MAML2: variants seen among roughly 807,000 people sequenced by gnomAD.
MAML2 encodes mastermind like transcriptional coactivator 2.
Under a neutral mutation model 96.1 loss-of-function variants are expected in MAML2, and 22 were observed. The ratio of observed to expected loss-of-function variants is 0.23; its 90% CI spans 0.16 to 0.33. The LOEUF is 0.33. Among genes scored for constraint, MAML2 ranks in the 10% least tolerant of loss-of-function variants. The pLI is 1.00. For synonymous variants in MAML2, 561 were observed against 521.3 expected, an observed-to-expected ratio of 1.08 and a Z score of -1.04; for missense variants, 1,367 against 1,392.4, an observed-to-expected ratio of 0.98 and a Z score of 0.29.
rs530299666 is a variant in MAML2 at position 96,249,706 on chromosome 11, T to G, written c.513+91677A>C. ...CTAAAATCCACACTTTTCCCCACTT[T>G]TACTGCTACTAGCTTGCTAGTAGCT... On this transcript the variant is annotated intron_variant, in intron 1 of 4. Transcript: ENST00000524717. Among the ~76,000 whole-genome samples, 358 of 152,172 alleles carry G rather than the reference T, an allele frequency of 2.4e-3. 3 individuals carry two copies. Among genetic ancestry groups the G allele is most frequent in the Non-Finnish European group, 4.2e-3 (286 of 67,994 alleles).
At chr11:96,117,768 C>A (rs1299251835) in intron 1 of MAML2, among the ~76,000 whole-genome samples, 1 of 152,062 alleles carries the variant, frequency 6.6e-6, no homozygotes, top group African/African-American at 2.4e-5. Flanking sequence ...CTCACCACAC[C>A]CCAGGACTTA....
At position 95,980,156 on chromosome 11, in the gene MAML2, G is replaced by A. The variant is rs187477233; in HGVS notation, c.2456-193C>T. On this transcript the variant is annotated intron_variant, in intron 4 of 4. Transcript: ENST00000524717. Reference sequence around the variant, plus strand: ...AAGGAGCACCTGAGGTCACTTTTTGGTTCAGAAGTTTACATATTACAAAAA... The same window carrying A: ...AAGGAGCACCTGAGGTCACTTTTTGATTCAGAAGTTTACATATTACAAAAA... Among the ~76,000 whole-genome samples the A allele has an allele frequency of 5.9e-5, 9 of 152,238 alleles. No homozygotes were observed. In the East Asian group the frequency reaches 1.5e-3, roughly 26 times the overall value.
chr11:96,022,418 T>G (rs1432254554), intron 2 of MAML2, among the ~76,000 whole-genome samples: 4 of 152,100 alleles, frequency 2.6e-5, no homozygotes, highest in Admixed American at 1.3e-4. Context: ...ATCTTGGGGA[T>G]TAAGGTAGCA....
chr11:96,018,819 C>A (rs1858394204), intron 2 of MAML2, among the ~76,000 whole-genome samples: 1 of 152,150 alleles, frequency 6.6e-6, no homozygotes, highest in African/African-American at 2.4e-5. Flanking sequence ...GAACTCCTGA[C>A]CTCAAGTGAT....
At chr11:96,185,075 A>G (rs1245542567) in intron 1 of MAML2, among the ~76,000 whole-genome samples, 1 of 152,142 alleles carries the variant, frequency 6.6e-6, no homozygotes, top group Non-Finnish European at 1.5e-5. Context: ...TCCACTACAT[A>G]AAGACTTTGA....
In MAML2 at chr11:96,155,515, T is replaced by C. The variant is rs1388468594; in HGVS notation, c.514-61998A>G. ...TGGGCGCTGTAACAATTCAAATATA[T>C]ATATATATATATATATATATATATA... On this transcript the variant is annotated intron_variant, in intron 1 of 4. Coordinates refer to ENST00000524717, the MANE Select transcript of MAML2 (RefSeq NM_032427.4). 6.3e-3 allele frequency among the ~76,000 whole-genome samples: 267 copies of C among 42,364 alleles called. 12 individuals carry two copies. Among genetic ancestry groups the C allele is most frequent in the African/African-American group, 0.013 (133 of 10,348 alleles). The allele number at this position is 42,364 out of a possible 152,430, so 27.8% of individuals were successfully genotyped here. A position where few individuals can be genotyped will look rare whatever the true frequency, so the allele number is the denominator to read the frequency against.
At chr11:96,251,484 C>G (rs1655790779) in intron 1 of MAML2, among the ~76,000 whole-genome samples, 1 of 152,100 alleles carries the variant, frequency 6.6e-6, no homozygotes, top group South Asian at 2.1e-4. Flanking sequence ...GAAGACAGAA[C>G]TTATGTAAGT....
intron 1 of MAML2, among the ~76,000 whole-genome samples, chr11:96,307,277 G>A (rs555453828): frequency 1.3e-5 from 2 of 152,336 alleles, no homozygotes; most frequent in African/African-American, 4.8e-5. Flanking sequence ...TAGCAACGGA[G>A]ATCAAGTTGC....
intron 2 of MAML2, among the ~76,000 whole-genome samples, chr11:96,050,513 T>G (rs967425665): frequency 6.6e-6 from 1 of 152,218 alleles, no homozygotes; most frequent in Non-Finnish European, 1.5e-5. Context: ...AAAACTCTTT[T>G]CCTTTTTGCA....
intron 1 of MAML2, among the ~76,000 whole-genome samples, chr11:96,181,126 C>A (rs1198666628): frequency 6.6e-6 from 1 of 152,174 alleles, no homozygotes; most frequent in African/African-American, 2.4e-5. Context: ...ATATTCACTT[C>A]TTTTGTGATT....
chr11:96,259,554 C>CA (rs1862719420), intron 1 of MAML2, among the ~76,000 whole-genome samples: 1 of 152,220 alleles, frequency 6.6e-6, no homozygotes, highest in African/African-American at 2.4e-5. Context: ...TTGCCTTTCT[C>CA]CTGTGGGTAT....
chr11:96,005,649 C>T (rs1255673492), intron 2 of MAML2, among the ~76,000 whole-genome samples: 2 of 152,138 alleles, frequency 1.3e-5, no homozygotes, highest in Non-Finnish European at 2.9e-5. Flanking sequence ...AGTAAATACA[C>T]TGAAGCTTGG....
intron 1 of MAML2, among the ~76,000 whole-genome samples, chr11:96,335,215 G>A (rs923116315): frequency 6.6e-6 from 1 of 152,150 alleles, no homozygotes; most frequent in Non-Finnish European, 1.5e-5. Flanking sequence ...TTACAAGCAA[G>A]GAAATAAGTA....
At chr11:96,140,275 G>C (rs77062397) in intron 1 of MAML2, among the ~76,000 whole-genome samples, 4,502 of 152,184 alleles carry the variant, frequency 0.03, 233 homozygotes, top group African/African-American at 0.1. Flanking sequence ...TCTTGCTTTG[G>C]CCTGACTTCA....
chr11:96,307,268 A>C (rs1863477002), intron 1 of MAML2, among the ~76,000 whole-genome samples: 1 of 152,234 alleles, frequency 6.6e-6, no homozygotes. Context: ...GAAAGGAGAT[A>C]GCAACGGAGA....
At position 96,298,736 on chromosome 11, in the gene MAML2, T is replaced by TTATA. The variant is rs10660464; in HGVS notation, c.513+42643_513+42646dup. 9.3e-4 allele frequency among the ~76,000 whole-genome samples: 135 copies of TTATA among 145,420 alleles called. 1 individual carries two copies. The highest frequency in any genetic ancestry group is 7.3e-3 in the Middle Eastern group (2 of 274). On this transcript the variant is annotated intron_variant, in intron 1 of 4. Transcript: ENST00000524717. ...ATATATATATATTAAATACATAATA[T>TTATA]TATATATATATATATAAATTTCTAG...
chr11:96,229,994 C>T (rs1248418125), intron 1 of MAML2, among the ~76,000 whole-genome samples: 1 of 152,152 alleles, frequency 6.6e-6, no homozygotes, highest in African/African-American at 2.4e-5. Context: ...AAACTTAACA[C>T]CAGTTGTTAA....
At chr11:96,123,121 T>C (rs1228404437) in intron 1 of MAML2, among the ~76,000 whole-genome samples, 1 of 152,168 alleles carries the variant, frequency 6.6e-6, no homozygotes, top group Non-Finnish European at 1.5e-5. Flanking sequence ...TCTGTTTCTC[T>C]CACACTGTCT....
chr11:96,228,572 C>T (rs187002760), intron 1 of MAML2, among the ~76,000 whole-genome samples: 35 of 152,250 alleles, frequency 2.3e-4, no homozygotes, highest in East Asian at 5.8e-4. Context: ...AGAAGATGGC[C>T]GCTGTCCACC....
Sources: allele counts gnomAD v4.1 joint callset (sites outside exome capture counted in the v4.1 genomes callset), GRCh38; gene constraint gnomAD v4.1.1; transcripts MANE v1.5; gene names NCBI Gene and HGNC (gene_info 2026-07-23, HGNC 2026-07-21).